Variants in LPGAT1 observed in about 807,000 individuals in gnomAD.
LPGAT1 encodes the protein acyl-CoA:lysophosphatidylglycerol acyltransferase 1.
LPGAT1 carries 11 observed loss-of-function variants against 47.5 expected under a neutral mutation model. That is an observed-to-expected ratio of 0.23 (90% CI 0.15 to 0.38). LPGAT1 has a LOEUF of 0.38. LPGAT1 is among the 10% of genes least tolerant of loss of function. The probability of loss-of-function intolerance (pLI) is 1.00; values close to 1 mark genes in which losing one functional copy is unlikely to be tolerated. For missense variants in LPGAT1, 293 were observed against 439.0 expected, an observed-to-expected ratio of 0.67 and a Z score of 2.97; for synonymous variants, 138 against 144.2, an observed-to-expected ratio of 0.96 and a Z score of 0.31.
At chr1:211,754,221 G>C (rs1657336163) in intron 6 of LPGAT1, among the ~76,000 whole-genome samples, 1 of 152,120 alleles carries the variant, frequency 6.6e-6, no homozygotes, top group Admixed American at 6.5e-5. Context: ...ATAGGGTAGG[G>C]GCTGCGGGAT....
At chr1:211,774,903 C>G (rs143202482) in intron 6 of LPGAT1, among the ~76,000 whole-genome samples, 2 of 152,072 alleles carry the variant, frequency 1.3e-5, no homozygotes, top group African/African-American at 4.8e-5. Flanking sequence ...AATTTCGAAT[C>G]AAGAAAAACA....
intron 6 of LPGAT1, among the ~76,000 whole-genome samples, chr1:211,775,654 C>T (rs1033686983): frequency 6.6e-6 from 1 of 152,132 alleles, no homozygotes; most frequent in Non-Finnish European, 1.5e-5. Context: ...CATGGCCGGG[C>T]GCAGTGGCTC....
intron 2 of LPGAT1, among the ~76,000 whole-genome samples, chr1:211,794,479 T>C (rs1659270909): frequency 6.6e-6 from 1 of 151,880 alleles, no homozygotes; most frequent in African/African-American, 2.4e-5. Flanking sequence ...AACTTTTGTA[T>C]TTTTTTTGTA....
At chr1:211,766,391 G>T (rs1044087919) in intron 6 of LPGAT1, among the ~76,000 whole-genome samples, 8 of 152,122 alleles carry the variant, frequency 5.3e-5, no homozygotes, top group Admixed American at 2.6e-4. Flanking sequence ...TTACAACGGG[G>T]TTACATTGTG....
intron 6 of LPGAT1, among the ~76,000 whole-genome samples, chr1:211,756,592 C>T (rs1657464948): frequency 6.6e-6 from 1 of 152,192 alleles, no homozygotes; most frequent in South Asian, 2.1e-4. Context: ...CTTCGGTCTC[C>T]CAAAGTGGTG....
In LPGAT1 at chr1:211,812,815, T is replaced by C. The variant is rs564811485; in HGVS notation, c.238+16244A>G. Among the ~76,000 whole-genome samples the C allele has an allele frequency of 2.0e-5, 3 of 152,182 alleles. No individual in the cohort carries two copies. The South Asian group carries it at 6.2e-4, about 32-fold the overall frequency. ...CAAGCCCAGGAATGCAGCCCAGATGTTGGAAGAGGTGAGGGATCTCCCCCA... is the reference window on the plus strand; with the variant it reads ...CAAGCCCAGGAATGCAGCCCAGATGCTGGAAGAGGTGAGGGATCTCCCCCA... On this transcript the variant is annotated intron_variant, in intron 2 of 7. Transcript: ENST00000366997.
At chr1:211,805,845 T>A (rs2102578100) in intron 2 of LPGAT1, among the ~76,000 whole-genome samples, 1 of 152,284 alleles carries the variant, frequency 6.6e-6, no homozygotes, top group East Asian at 1.9e-4. Flanking sequence ...AAACAAAAGC[T>A]ACAGACTAAA....
chr1:211,754,905 C>A (rs1657372877), intron 6 of LPGAT1, among the ~76,000 whole-genome samples: 1 of 151,580 alleles, frequency 6.6e-6, no homozygotes, highest in Non-Finnish European at 1.5e-5. Context: ...ATCCCAGCTA[C>A]TAGGTAGGCT....
At chr1:211,776,734 T>G (rs1658416567) in intron 6 of LPGAT1, among the ~76,000 whole-genome samples, 1 of 150,728 alleles carries the variant, frequency 6.6e-6, no homozygotes, top group South Asian at 2.1e-4. Flanking sequence ...CTGGAGAAAT[T>G]ATGCTTAACT....
chr1:211,824,431 C>G (rs926491054), intron 2 of LPGAT1, among the ~76,000 whole-genome samples: 1 of 152,106 alleles, frequency 6.6e-6, no homozygotes, highest in Non-Finnish European at 1.5e-5. Flanking sequence ...GAACTAGACA[C>G]TTACTGAGTA....
At chr1:211,818,870 A>C (rs1660268032) in intron 2 of LPGAT1, among the ~76,000 whole-genome samples, 1 of 152,260 alleles carries the variant, frequency 6.6e-6, no homozygotes, top group Non-Finnish European at 1.5e-5. Flanking sequence ...ACTGGTAAGC[A>C]GTCTAAGAAT....
chr1:211,752,749 A>G (rs1657256859), intron 6 of LPGAT1, among the ~76,000 whole-genome samples: 1 of 152,216 alleles, frequency 6.6e-6, no homozygotes, highest in Non-Finnish European at 1.5e-5. Flanking sequence ...AACCTTTTCT[A>G]TATAAACAAC....
At position 211,830,505 on chromosome 1, in the gene LPGAT1, C is replaced by T. The variant is rs972080552; in HGVS notation, c.-28+68G>A. Reference sequence around the variant, plus strand: ...GCGACGACGACACCCCCTTCCCCGCCCCCAGCGCCTCCCCTGGCCCGGCTC... The same window carrying T: ...GCGACGACGACACCCCCTTCCCCGCTCCCAGCGCCTCCCCTGGCCCGGCTC... On this transcript the variant is annotated intron_variant, in intron 1 of 7. Transcript: ENST00000366997. This position sits in a 1 kb window ranked among gnomAD's most constrained non-coding sequence, Gnocchi z 5.9. 8.3e-7 allele frequency: 1 copy of T among 1,198,088 alleles called. No homozygotes were observed. The highest frequency in any genetic ancestry group is 1.0e-6 in the Non-Finnish European group (1 of 965,634). 74.2% of individuals were successfully genotyped at this position (1,198,088 alleles called of 1,614,324 possible).
In LPGAT1 at chr1:211,749,798, CTTTT is replaced by C. The variant is rs558648709; in HGVS notation, c.*97_*100del. ...TAATCCATCCATTGAATTTCTTTTGCTTTTTTTTAAATATATTCTGATTTGCACA... is the reference window on the plus strand; with the variant it reads ...TAATCCATCCATTGAATTTCTTTTGCTTTTAAATATATTCTGATTTGCACA... On this transcript the variant is annotated 3_prime_UTR_variant, in exon 8 of 8. Coordinates refer to ENST00000366997, the MANE Select transcript of LPGAT1 (RefSeq NM_014873.3). 7 of 1,276,928 alleles carry C rather than the reference CTTTT, an allele frequency of 5.5e-6. No homozygotes were observed. The African/African-American group carries it at 9.1e-5, about 17-fold the overall frequency. 79.1% of individuals were successfully genotyped at this position (1,276,928 alleles called of 1,614,324 possible).
chr1:211,750,910 C>A (rs761874728), intron 7 of LPGAT1, 51 bp downstream of exon 7: 1 of 1,300,942 alleles, frequency 7.7e-7, no homozygotes. Context: ...TTAAAAGAGG[C>A]TTTCATTACT....
intron 1 of LPGAT1, chr1:211,829,790 C>T: frequency 1.0e-6 from 1 of 989,876 alleles, no homozygotes; most frequent in Non-Finnish European, 1.2e-6. Context: ...CACACCGATG[C>T]ATTCCTTTAA....
chr1:211,829,176 T>C lies in LPGAT1; in HGVS notation c.121A>G (p.Ile41Val). ...VAIPSYICYVIILQPLRVLDS... is the reference protein window; with the variant it reads ...VAIPSYICYVVILQPLRVLDS... ...AGCACTCGAAGGGGCTGAAGTATAA[T>C]TACATAGCAGATGTAGGATGGAATA... The change falls in exon 2 of 8, where the codon ATT becomes GTT. Residue 41 changes from isoleucine (I) to valine (V), a missense_variant. By Grantham distance (29) the Ile-to-Val change is conservative (BLOSUM62 3). Coordinates refer to ENST00000366997, the MANE Select transcript of LPGAT1 (RefSeq NM_014873.3). The C allele has an allele frequency of 1.2e-6, 2 of 1,614,196 alleles. No individual in the cohort carries two copies. Among genetic ancestry groups the C allele is most frequent in the Non-Finnish European group, 1.7e-6 (2 of 1,180,048 alleles).
rs890093022 is a variant in LPGAT1 at position 211,746,245 on chromosome 1, A to G, written c.*3654T>C. The G allele has an allele frequency of 1.3e-5, 2 of 152,686 alleles. No individual in the cohort carries two copies. Among genetic ancestry groups the G allele is most frequent in the African/African-American group, 4.8e-5 (2 of 41,466 alleles). 9.5% of individuals were successfully genotyped at this position (152,686 alleles called of 1,614,324 possible). A position where few individuals can be genotyped will look rare whatever the true frequency, so the allele number is the denominator to read the frequency against. On this transcript the variant is annotated 3_prime_UTR_variant, in exon 8 of 8. Coordinates refer to ENST00000366997, the MANE Select transcript of LPGAT1 (RefSeq NM_014873.3). ...TTCTTAACATGAATCCAAGACAGCAACACTAGAATAATGTTCCCAGGTTTA... is the reference window on the plus strand; with the variant it reads ...TTCTTAACATGAATCCAAGACAGCAGCACTAGAATAATGTTCCCAGGTTTA...
intron 6 of LPGAT1, among the ~76,000 whole-genome samples, chr1:211,777,948 G>A (rs1658472904): frequency 2.0e-5 from 3 of 152,190 alleles, no homozygotes; most frequent in African/African-American, 7.2e-5. Context: ...ATGGCCACAA[G>A]AGTGACCTTT....
Sources: gnomAD v4.1 joint callset for allele counts (sites outside exome capture counted in the v4.1 genomes callset) on GRCh38, gnomAD v4.1.1 for gene constraint, Gnocchi (gnomAD v3.1) non-coding constraint, MANE v1.5 for transcripts, NCBI Gene and HGNC (gene_info 2026-07-23, HGNC 2026-07-21) for gene names.